The following CSMD1 variants were observed in gnomAD, a reference collection of about 807,000 sequenced individuals.
The protein encoded by CSMD1 is CUB and Sushi multiple domains 1.
CSMD1 carries 213 observed loss-of-function variants against 417.5 expected under a neutral mutation model. The ratio of observed to expected loss-of-function variants is 0.51; its 90% CI spans 0.46 to 0.57. The LOEUF (loss-of-function observed/expected upper bound fraction) is 0.57. CSMD1 is among the 20% of genes least tolerant of loss of function. The pLI is 0.00. For missense variants in CSMD1, 6,923 were observed against 4,529.7 expected, an observed-to-expected ratio of 1.53 and a Z score of -15.17; for synonymous variants, 2,862 against 1,736.8, an observed-to-expected ratio of 1.65 and a Z score of -16.11.
At chr8:3,959,278 C>G (rs1276124434) in intron 5 of CSMD1, among the ~76,000 whole-genome samples, 1 of 152,156 alleles carries the variant, frequency 6.6e-6, no homozygotes, top group Non-Finnish European at 1.5e-5. Flanking sequence ...GGCAGGAGGA[C>G]TTGAGGCCAG....
intron 1 of CSMD1, among the ~76,000 whole-genome samples, chr8:4,670,935 C>T (rs1005896809): frequency 6.6e-6 from 1 of 152,198 alleles, no homozygotes; most frequent in African/African-American, 2.4e-5. Context: ...ATTGAGCAGT[C>T]ATATAACAAA....
At chr8:3,643,551 A>AC (rs1797414914) in intron 7 of CSMD1, among the ~76,000 whole-genome samples, 1 of 151,878 alleles carries the variant, frequency 6.6e-6, no homozygotes, top group South Asian at 2.1e-4. Context: ...AAATACAAAA[A>AC]TTGGCCGGGC....
intron 1 of CSMD1, among the ~76,000 whole-genome samples, chr8:4,725,783 G>A (rs1381431286): frequency 6.6e-6 from 1 of 152,086 alleles, no homozygotes; most frequent in Non-Finnish European, 1.5e-5. Context: ...CAGGATTTGC[G>A]CTGCGTTTGA....
At chr8:3,034,767 G>A (rs965287244) in intron 50 of CSMD1, among the ~76,000 whole-genome samples, 1 of 152,100 alleles carries the variant, frequency 6.6e-6, no homozygotes, top group Non-Finnish European at 1.5e-5. Flanking sequence ...ATAGTCTATA[G>A]GGACATTTTC....
At chr8:4,787,569 T>TC in intron 1 of CSMD1, 1 of 1,486,260 alleles carries the variant, frequency 6.7e-7, no homozygotes, top group Admixed American at 1.7e-5. Flanking sequence ...GAGACAGCTT[T>TC]CATTGCACCC....
At chr8:4,797,277 A>G (rs1007843662) in intron 1 of CSMD1, among the ~76,000 whole-genome samples, 4 of 152,172 alleles carry the variant, frequency 2.6e-5, no homozygotes, top group Non-Finnish European at 5.9e-5. Context: ...CTGTTTTGAA[A>G]ACTATGTTTT....
intron 1 of CSMD1, among the ~76,000 whole-genome samples, chr8:4,705,832 G>A (rs1306124876): frequency 6.6e-6 from 1 of 152,108 alleles, no homozygotes; most frequent in Admixed American, 6.6e-5. Context: ...CTATGAGCCA[G>A]CTGCATCTGA....
intron 1 of CSMD1, among the ~76,000 whole-genome samples, chr8:4,881,666 G>A (rs746710504): frequency 1.8e-4 from 27 of 151,126 alleles, no homozygotes; most frequent in Non-Finnish European, 3.7e-4. Flanking sequence ...AATACATAAA[G>A]AGTCTTTAAG....
intron 15 of CSMD1, among the ~76,000 whole-genome samples, chr8:3,405,526 C>G (rs1342345489): frequency 6.6e-6 from 1 of 152,200 alleles, no homozygotes; most frequent in Non-Finnish European, 1.5e-5. Context: ...ACATTGAGGT[C>G]CTAACCCTCA....
chr8:3,162,879 T>G lies in CSMD1; in HGVS notation c.5726-602A>C, dbSNP rs151039802. Among the ~76,000 whole-genome samples the G allele has an allele frequency of 8.1e-3, 1,226 of 152,290 alleles. 23 individuals carry two copies. Among genetic ancestry groups the G allele is most frequent in the African/African-American group, 0.028 (1,165 of 41,566 alleles). ...CTGCACTTTCCTAGATGAATTGCAT[T>G]CAGTTAAGACACTCACAGATTTTTT... On this transcript the variant is annotated intron_variant, in intron 37 of 69. Transcript: ENST00000635120.
At chr8:4,157,584 T>C (rs950936042) in intron 3 of CSMD1, among the ~76,000 whole-genome samples, 4 of 152,180 alleles carry the variant, frequency 2.6e-5, no homozygotes, top group East Asian at 3.9e-4. Flanking sequence ...TAAGACCCTC[T>C]GCCGGTCATG....
intron 52 of CSMD1, among the ~76,000 whole-genome samples, chr8:3,016,863 G>A (rs11779276): frequency 0.015 from 2,349 of 152,204 alleles, 21 homozygotes; most frequent in East Asian, 0.038. Flanking sequence ...GCATCTCCAG[G>A]CAGCCAACTA....
intron 48 of CSMD1, among the ~76,000 whole-genome samples, chr8:3,090,323 A>AT (rs1814855953): frequency 8.5e-6 from 1 of 117,316 alleles, no homozygotes; most frequent in African/African-American, 3.8e-5. Flanking sequence ...TTTCAAAAAA[A>AT]AAAAAAAAAA....
chr8:3,585,423 CA>C (rs374420746), intron 9 of CSMD1, among the ~76,000 whole-genome samples: 32 of 152,112 alleles, frequency 2.1e-4, no homozygotes, highest in Middle Eastern at 3.4e-3. Context: ...ATTTTATGGC[CA>C]AAATTCAAAA....
intron 10 of CSMD1, among the ~76,000 whole-genome samples, chr8:3,551,592 ATATATTTT>A (rs1330994041): frequency 3.4e-5 from 4 of 117,200 alleles, no homozygotes; most frequent in Admixed American, 2.4e-4. Flanking sequence ...ATATATATAT[ATATATTTT>A]TTTTTTTTTT....
At chr8:3,542,497 T>C (rs1798482325) in intron 10 of CSMD1, among the ~76,000 whole-genome samples, 1 of 152,098 alleles carries the variant, frequency 6.6e-6, no homozygotes, top group Non-Finnish European at 1.5e-5. Context: ...GAAAAAGCAA[T>C]AAATCAGTGA....
chr8:4,032,574 C>T (rs1173338740), intron 3 of CSMD1, among the ~76,000 whole-genome samples: 3 of 152,128 alleles, frequency 2.0e-5, no homozygotes, highest in Admixed American at 2.0e-4. Flanking sequence ...ACATCATTAC[C>T]CAACGCTCAA....
chr8:4,556,205 G>A (rs1404136829), intron 2 of CSMD1, among the ~76,000 whole-genome samples: 15 of 151,966 alleles, frequency 9.9e-5, no homozygotes, highest in Non-Finnish European at 1.0e-4. Flanking sequence ...TTTATTATGG[G>A]GATACTTTAT....
intron 4 of CSMD1, among the ~76,000 whole-genome samples, chr8:4,025,171 A>C (rs949341179): frequency 1.3e-5 from 2 of 152,210 alleles, no homozygotes; most frequent in Non-Finnish European, 2.9e-5. Flanking sequence ...CCTGTGAAGA[A>C]ATGCACCCCC....
Sources: gnomAD v4.1 joint callset for allele counts (sites outside exome capture counted in the v4.1 genomes callset) on GRCh38, gnomAD v4.1.1 for gene constraint, MANE v1.5 for transcripts, NCBI Gene and HGNC (gene_info 2026-07-23, HGNC 2026-07-21) for gene names.